GLI2: variants seen among roughly 807,000 people sequenced by gnomAD.
The protein encoded by GLI2 is GLI family zinc finger 2, also known as transcription activator GLI2.
GLI2 carries 22 observed loss-of-function variants against 78.9 expected under a neutral mutation model. That is an observed-to-expected ratio of 0.28 (90% CI 0.20 to 0.40). The LOEUF is 0.40. Ranked by LOEUF, GLI2 falls within the 10% of genes least tolerant of loss-of-function variation. The pLI is 1.00. For synonymous variants in GLI2, 974 were observed against 963.7 expected, an observed-to-expected ratio of 1.01 and a Z score of -0.20; for missense variants, 2,097 against 2,213.2, an observed-to-expected ratio of 0.95 and a Z score of 1.05.
Position 120,955,152 on chromosome 2 carries a change from CCTTTTTTTTTTT to C in GLI2, c.458-92_458-81del, listed in dbSNP as rs1352677858. 563 of 304,796 alleles carry C rather than the reference CCTTTTTTTTTTT, an allele frequency of 1.8e-3. 9 individuals are homozygous for C. The highest frequency in any genetic ancestry group is 2.9e-3 in the Admixed American group (53 of 18,590). 18.9% of individuals were successfully genotyped at this position (304,796 alleles called of 1,614,324 possible). A position where few individuals can be genotyped will look rare whatever the true frequency, so the allele number is the denominator to read the frequency against. On this transcript the variant is annotated intron_variant, in intron 4 of 13. Transcript: ENST00000361492. Reference sequence around the variant, plus strand: ...GACACCAGGTGTGCATTTCTCTCTGCCTTTTTTTTTTTTTTTTTTTTTTTTTTTTGGCAGGAG... The same window carrying C: ...GACACCAGGTGTGCATTTCTCTCTGCTTTTTTTTTTTTTTTTTGGCAGGAG...
At chr2:120,833,001 TG>T (rs1686437717) in intron 2 of GLI2, among the ~76,000 whole-genome samples, 1 of 152,088 alleles carries the variant, frequency 6.6e-6, no homozygotes, top group South Asian at 2.1e-4. Context: ...AGGTCAGACA[TG>T]GAAACTTGGG....
At chr2:120,939,506 C>A (rs1004187960) in intron 3 of GLI2, among the ~76,000 whole-genome samples, 4 of 152,132 alleles carry the variant, frequency 2.6e-5, no homozygotes, top group Non-Finnish European at 5.9e-5. Context: ...GTCTGACTCC[C>A]CTAACAATGT....
At chr2:120,889,450 C>T (rs1352657637) in intron 2 of GLI2, among the ~76,000 whole-genome samples, 2 of 152,148 alleles carry the variant, frequency 1.3e-5, no homozygotes, top group African/African-American at 4.8e-5. Context: ...GACTTGATAC[C>T]ATAAGCATGA....
At position 120,849,330 on chromosome 2, in the gene GLI2, A is replaced by G. The variant is rs537566153; in HGVS notation, c.148+51862A>G. On this transcript the variant is annotated intron_variant, in intron 2 of 13. Transcript: ENST00000361492. The stretch of plus-strand genomic sequence containing the variant: ...TAAAATGGTAAGTCTTATGTTATAT[A>G]TATTTTACCATCATTTTAAAAAAAT... Among the ~76,000 whole-genome samples the G allele has an allele frequency of 3.9e-5, 6 of 152,274 alleles. No individual in the cohort carries two copies. In the South Asian group the frequency reaches 6.2e-4, roughly 16 times the overall value.
In GLI2 at chr2:120,990,327, C is replaced by A; in HGVS notation, c.4362C>A (p.Ser1454=). Residue 1454 remains serine, a synonymous_variant, in exon 14 of 14, where the codon TCC becomes TCA. Coordinates refer to ENST00000361492, the MANE Select transcript of GLI2 (RefSeq NM_001374353.1). ...ENLGSCQVMR[S]QPPQPQACQD... ...TCGGGAGCTGCCAGGTCATGCGGTC[C>A]CAGCCACCACAGCCACAGGCCTGTC... 1 of 1,613,802 alleles carries A rather than the reference C, an allele frequency of 6.2e-7. No individual in the cohort carries two copies. Among genetic ancestry groups the A allele is most frequent in the Non-Finnish European group, 8.5e-7 (1 of 1,180,024 alleles).
chr2:120,763,730 G>A (rs139512601), intron 1 of GLI2, among the ~76,000 whole-genome samples: 2,028 of 152,322 alleles, frequency 0.013, 43 homozygotes, highest in African/African-American at 0.047. Flanking sequence ...CTTGCCCCAC[G>A]CCCGGAAGCA....
intron 2 of GLI2, among the ~76,000 whole-genome samples, chr2:120,920,653 C>T (rs559177268): frequency 1.2e-4 from 18 of 152,228 alleles, no homozygotes; most frequent in African/African-American, 3.6e-4. Flanking sequence ...GCCGTCACTC[C>T]GCCGCCACCC....
intron 2 of GLI2, among the ~76,000 whole-genome samples, chr2:120,871,408 G>A (rs72971978): frequency 0.01 from 1,593 of 152,348 alleles, 26 homozygotes; most frequent in African/African-American, 0.036. Flanking sequence ...TTCAGGGCTG[G>A]AAAACACAGC....
chr2:120,816,312 C>T (rs1250804955), intron 2 of GLI2, among the ~76,000 whole-genome samples: 7 of 151,630 alleles, frequency 4.6e-5, no homozygotes. Flanking sequence ...TCTCCTGCCT[C>T]AGCCTCCTGA....
intron 2 of GLI2, among the ~76,000 whole-genome samples, chr2:120,829,244 C>T (rs951052576): frequency 6.6e-6 from 1 of 152,218 alleles, no homozygotes; most frequent in Admixed American, 6.5e-5. Flanking sequence ...CACAGGGACA[C>T]AGAGCCCCAG....
chr2:120,963,636 G>GC (rs1167788164), intron 5 of GLI2, among the ~76,000 whole-genome samples: 1 of 151,896 alleles, frequency 6.6e-6, no homozygotes, highest in Non-Finnish European at 1.5e-5. Context: ...TCCACCTGGG[G>GC]CCCCCCTCCC....
intron 1 of GLI2, among the ~76,000 whole-genome samples, chr2:120,794,436 G>T (rs933597665): frequency 6.6e-6 from 1 of 152,200 alleles, no homozygotes; most frequent in African/African-American, 2.4e-5. Flanking sequence ...GAGGGATGGA[G>T]TGATATGTGG....
chr2:120,957,462 C>G (rs1681329387), intron 5 of GLI2, among the ~76,000 whole-genome samples: 1 of 152,202 alleles, frequency 6.6e-6, no homozygotes, highest in Non-Finnish European at 1.5e-5. Context: ...AGACACGCTC[C>G]TTGCCAATAT....
At chr2:120,927,521 G>A in intron 3 of GLI2, 55 bp downstream of exon 3, 1 of 1,179,528 alleles carries the variant, frequency 8.5e-7, no homozygotes, top group Non-Finnish European at 1.3e-6. Flanking sequence ...GCCATGGGGA[G>A]GCTGGGCCGG....
chr2:120,778,458 C>T (rs1469422911), intron 1 of GLI2, among the ~76,000 whole-genome samples: 1 of 152,222 alleles, frequency 6.6e-6, no homozygotes, highest in African/African-American at 2.4e-5. Flanking sequence ...CGGTGGGTTA[C>T]CTGCCGGGTT....
chr2:120,867,110 C>A (rs1688176002), intron 2 of GLI2: 3 of 152,490 alleles, frequency 2.0e-5, no homozygotes, highest in Non-Finnish European at 4.4e-5. Context: ...CCCTTCTTAC[C>A]CAGTGGGCTG....
chr2:120,853,445 A>G (rs1687502747), intron 2 of GLI2, among the ~76,000 whole-genome samples: 1 of 152,180 alleles, frequency 6.6e-6, no homozygotes, highest in African/African-American at 2.4e-5. Flanking sequence ...CCTGCAGCTC[A>G]GAGGGGTCTC....
intron 10 of GLI2, among the ~76,000 whole-genome samples, chr2:120,978,944 A>AT (rs1682590451): frequency 6.6e-6 from 1 of 152,204 alleles, no homozygotes; most frequent in African/African-American, 2.4e-5. Flanking sequence ...AGAGAAAAAA[A>AT]CATCATTGGT....
intron 2 of GLI2, among the ~76,000 whole-genome samples, chr2:120,798,850 G>A (rs772001863): frequency 1.3e-5 from 2 of 152,176 alleles, no homozygotes; most frequent in Non-Finnish European, 2.9e-5. Flanking sequence ...TTGGCCTGTG[G>A]GGGCACCTAA....
Sources: gnomAD v4.1 joint callset for allele counts (sites outside exome capture counted in the v4.1 genomes callset) on GRCh38, gnomAD v4.1.1 for gene constraint, MANE v1.5 for transcripts, NCBI Gene and HGNC (gene_info 2026-07-23, HGNC 2026-07-21) for gene names.